Variants in ADCY2 observed in about 807,000 individuals in gnomAD.
The protein encoded by ADCY2 is adenylate cyclase 2.
A neutral mutation model predicts 125.2 loss-of-function variants in ADCY2; 31 were observed. The observed-to-expected ratio is 0.25, with a 90% confidence interval of 0.19 to 0.33. The LOEUF (loss-of-function observed/expected upper bound fraction) is 0.33. ADCY2 is among the 10% of genes least tolerant of loss of function. The pLI is 1.00. For missense variants in ADCY2, 904 were observed against 1,418.2 expected (o/e 0.64, Z 5.82); for synonymous variants, 512 against 548.4 (o/e 0.93, Z 0.93).
At chr5:7,788,115 T>C (rs1417842554) in intron 19 of ADCY2, among the ~76,000 whole-genome samples, 1 of 152,200 alleles carries the variant, frequency 6.6e-6, no homozygotes, top group East Asian at 1.9e-4. Context: ...TTTCTATCAG[T>C]CCATGGTGTG....
chr5:7,408,724 C>CA (rs987213584), intron 1 of ADCY2, among the ~76,000 whole-genome samples: 12 of 151,752 alleles, frequency 7.9e-5, no homozygotes, highest in African/African-American at 2.9e-4. Context: ...AAAACAAAAA[C>CA]AAAAAACAGA....
At chr5:7,576,870 T>C (rs1168111899) in intron 3 of ADCY2, among the ~76,000 whole-genome samples, 9 of 152,202 alleles carry the variant, frequency 5.9e-5, no homozygotes, top group Non-Finnish European at 1.3e-4. Flanking sequence ...TAAGTAGAGC[T>C]AGCAACCTAT....
At chr5:7,431,030 G>A (rs1740579178) in intron 2 of ADCY2, among the ~76,000 whole-genome samples, 2 of 152,088 alleles carry the variant, frequency 1.3e-5, no homozygotes, top group African/African-American at 4.8e-5. Flanking sequence ...GTCCCAGCAA[G>A]CTTTTTCATA....
intron 2 of ADCY2, among the ~76,000 whole-genome samples, chr5:7,513,712 A>C (rs1744160799): frequency 6.6e-6 from 1 of 152,206 alleles, no homozygotes; most frequent in Non-Finnish European, 1.5e-5. Context: ...CAACAATGAG[A>C]TACAATGTAT....
chr5:7,774,558 G>T (rs528037715), intron 18 of ADCY2, among the ~76,000 whole-genome samples: 4 of 152,298 alleles, frequency 2.6e-5, no homozygotes, highest in Non-Finnish European at 4.4e-5. Context: ...GCAAGTTTCT[G>T]GTGTGGAGAG....
rs1450704084 is a variant in ADCY2 at position 7,724,626 on chromosome 5, T to C, written c.1773+12T>C. On this transcript the variant is annotated intron_variant, in intron 13 of 24. Coordinates refer to ENST00000338316, the MANE Select transcript of ADCY2 (RefSeq NM_020546.3). ...TACTAGAAAAAGAGGTAAGTTTTTT[T>C]CTTCTTCAAAATCATCAATCGAGTT... is the stretch of plus-strand genomic sequence containing the variant. 1.9e-6 allele frequency: 3 copies of C among 1,552,154 alleles called. No individual in the cohort carries two copies. The highest frequency in any genetic ancestry group is 1.2e-5 in the South Asian group (1 of 84,014).
intron 14 of ADCY2, among the ~76,000 whole-genome samples, chr5:7,728,256 C>G (rs888489402): frequency 6.6e-6 from 1 of 152,108 alleles, no homozygotes; most frequent in Non-Finnish European, 1.5e-5. Context: ...TCTGTTTCTC[C>G]GCCTCTGTAC....
chr5:7,747,681 C>T (rs1461988391), intron 15 of ADCY2, among the ~76,000 whole-genome samples: 1 of 152,176 alleles, frequency 6.6e-6, no homozygotes, highest in Non-Finnish European at 1.5e-5. Flanking sequence ...ATCTAACTTT[C>T]ATAATCCAAC....
intron 2 of ADCY2, among the ~76,000 whole-genome samples, chr5:7,470,508 T>A (rs985441006): frequency 2.0e-5 from 3 of 148,678 alleles, no homozygotes; most frequent in African/African-American, 7.3e-5. Context: ...ATAGTTTTAA[T>A]TATAATTATA....
intron 3 of ADCY2, among the ~76,000 whole-genome samples, chr5:7,567,529 A>G (rs1735938487): frequency 6.6e-6 from 1 of 152,112 alleles, no homozygotes; most frequent in Non-Finnish European, 1.5e-5. Context: ...CTAGCTGTAT[A>G]GCTTCCTTTG....
chr5:7,460,793 G>A (rs973810050), intron 2 of ADCY2, among the ~76,000 whole-genome samples: 1 of 152,136 alleles, frequency 6.6e-6, no homozygotes, highest in African/African-American at 2.4e-5. Flanking sequence ...TCCTTTAGAC[G>A]AAGGGCAGGG....
At chr5:7,568,889 A>T (rs75791166) in intron 3 of ADCY2, among the ~76,000 whole-genome samples, 11,474 of 152,226 alleles carry the variant, frequency 0.075, 589 homozygotes, top group Non-Finnish European at 0.11. Context: ...ATGGAGCTGC[A>T]TGAGTCTAAG....
At chr5:7,422,339 C>A (rs1740234866) in intron 2 of ADCY2, among the ~76,000 whole-genome samples, 1 of 152,084 alleles carries the variant, frequency 6.6e-6, no homozygotes, top group African/African-American at 2.4e-5. Flanking sequence ...CCGTGCCCAG[C>A]CTGTTTAATG....
intron 2 of ADCY2, among the ~76,000 whole-genome samples, chr5:7,447,103 A>C (rs968947389): frequency 2.6e-5 from 4 of 152,084 alleles, no homozygotes; most frequent in Non-Finnish European, 4.4e-5. Context: ...TCTTTCCCTT[A>C]GTCGGTCATC....
intron 3 of ADCY2, among the ~76,000 whole-genome samples, chr5:7,530,506 A>G (rs1734605112): frequency 6.6e-6 from 1 of 152,012 alleles, no homozygotes; most frequent in Non-Finnish European, 1.5e-5. Context: ...TGGCCTCCCA[A>G]AGGAGGAATC....
intron 24 of ADCY2, among the ~76,000 whole-genome samples, chr5:7,821,703 G>T (rs1032202612): frequency 2.1e-4 from 32 of 152,250 alleles, no homozygotes; most frequent in African/African-American, 7.7e-4. Flanking sequence ...GGCCTGTGTG[G>T]CTGGGGAAGG....
intron 4 of ADCY2, among the ~76,000 whole-genome samples, chr5:7,684,662 C>A (rs6895268): frequency 0.44 from 67,334 of 151,908 alleles, 15,641 homozygotes; most frequent in East Asian, 0.83. Context: ...GCAAATCCAG[C>A]TGGATGGAAA....
intron 3 of ADCY2, among the ~76,000 whole-genome samples, chr5:7,601,134 C>T (rs980940430): frequency 3.9e-5 from 6 of 152,092 alleles, no homozygotes; most frequent in East Asian, 1.9e-4. Context: ...GACTCAGTCC[C>T]GTCTTTCCCA....
chr5:7,754,369 C>A (rs796714849), intron 15 of ADCY2, among the ~76,000 whole-genome samples: 6 of 152,274 alleles, frequency 3.9e-5, no homozygotes, highest in African/African-American at 1.4e-4. Flanking sequence ...CAGTGATATG[C>A]AATCTTAGCT....
Sources: gnomAD v4.1 joint callset for allele counts (sites outside exome capture counted in the v4.1 genomes callset) on GRCh38, gnomAD v4.1.1 for gene constraint, MANE v1.5 for transcripts, NCBI Gene and HGNC (gene_info 2026-07-23, HGNC 2026-07-21) for gene names.